The following MCM2 variants were observed in gnomAD, a reference collection of about 807,000 sequenced individuals.
MCM2 encodes minichromosome maintenance complex component 2, also known as DNA replication licensing factor MCM2.
A neutral mutation model predicts 86.4 loss-of-function variants in MCM2; 49 were observed. That is an observed-to-expected ratio of 0.57 (90% CI 0.45 to 0.72). MCM2 has a LOEUF of 0.72. MCM2 is among the 30% of genes least tolerant of loss of function. The pLI is 0.00. For synonymous variants in MCM2, 475 were observed against 484.6 expected, an observed-to-expected ratio of 0.98 and a Z score of 0.26; for missense variants, 1,038 against 1,259.9, an observed-to-expected ratio of 0.82 and a Z score of 2.67.
chr3:127,620,576 C>A, intron 13 of MCM2, 122 bp from the exon 14 acceptor site: 1 of 999,926 alleles, frequency 1.0e-6, no homozygotes, highest in Non-Finnish European at 1.5e-6. Flanking sequence ...AAGCATTCTG[C>A]ATTTCTGCTG....
rs17538586 is a variant in MCM2 at position 127,611,921 on chromosome 3, G to A, written c.1428+2898G>A. 1.3e-4 allele frequency among the ~76,000 whole-genome samples: 19 copies of A among 144,356 alleles called. 1 individual carries two copies. Among genetic ancestry groups the A allele is most frequent in the Middle Eastern group, 6.5e-3 (2 of 310 alleles). 94.7% of individuals were successfully genotyped at this position (144,356 alleles called of 152,430 possible). ...TCACCGTTTTAGCCGGGATGGTCTC[G>A]ATCTCCTGACCTCGTGATCCGCCCG... On this transcript the variant is annotated intron_variant, in intron 8 of 15. Transcript: ENST00000265056.
Position 127,608,466 on chromosome 3 carries a change from G to T in MCM2, c.1186G>T (p.Ala396Ser). The change falls in exon 7 of 16, where the codon GCC becomes TCC. Residue 396 changes from alanine to serine, a missense_variant. Around this residue, in one of 4 missense-constraint regions of MCM2, gnomAD observed 399 missense variants for 507.2 expected, o/e 0.79. Coordinates refer to ENST00000265056, the MANE Select transcript of MCM2 (RefSeq NM_004526.4). Reference sequence around the variant, plus strand: ...TGGCCGGCTGCCCCGCTCCAAGGACGCCATTCTCCTCGCAGATCTGGTGGA... The same window carrying T: ...TGGCCGGCTGCCCCGCTCCAAGGACTCCATTCTCCTCGCAGATCTGGTGGA... Reference protein sequence around the residue: ...AAGRLPRSKDAILLADLVDSC... With the variant: ...AAGRLPRSKDSILLADLVDSC... 6.2e-7 allele frequency: 1 copy of T among 1,614,210 alleles called. No homozygotes were observed.
chr3:127,605,527 G>T (rs1204483103), intron 4 of MCM2, among the ~76,000 whole-genome samples: 1 of 136,926 alleles, frequency 7.3e-6, no homozygotes, highest in African/African-American at 2.8e-5. Flanking sequence ...TGCAACCTCC[G>T]CCTCCTGGGT....
Position 127,605,123 on chromosome 3 carries a change from G to A in MCM2, c.640G>A (p.Val214Ile), listed in dbSNP as rs747213100. 5.6e-6 allele frequency: 9 copies of A among 1,614,024 alleles called. No homozygotes were observed. The highest frequency in any genetic ancestry group is 7.6e-6 in the Non-Finnish European group (9 of 1,180,038). The change falls in exon 4 of 16, where the codon GTC becomes ATC. Residue 214 changes from valine (V) to isoleucine (I), a missense_variant. Val to Ile is a conservative substitution (Grantham distance 29). Transcript: ENST00000265056. ...TCACGTCGACAGCCACGGCCACAAC[G>A]TCTTCAAGGAGCGCATCAGCGACAT... Reference protein sequence around the residue: ...RTHVDSHGHNVFKERISDMCK... With the variant: ...RTHVDSHGHNIFKERISDMCK...
chr3:127,599,302 G>T lies in MCM2; in HGVS notation c.7-16G>T, dbSNP rs370432500. ...CCAGCTTCCTAGGTTTCTGACAACC[G>T]CACCTTCTCTTGCAGGAATCATCGG... On this transcript the variant is annotated splice_polypyrimidine_tract_variant and intron_variant, in intron 1 of 15. Transcript: ENST00000265056. The T allele has an allele frequency of 1.6e-5, 25 of 1,611,486 alleles. No homozygotes were observed. The highest frequency in any genetic ancestry group is 2.1e-5 in the Non-Finnish European group (25 of 1,177,758).
At chr3:127,602,584 C>T (rs1559860757) in intron 2 of MCM2, among the ~76,000 whole-genome samples, 1 of 152,222 alleles carries the variant, frequency 6.6e-6, no homozygotes, top group East Asian at 1.9e-4. Flanking sequence ...GATGGAATGA[C>T]AGTGTCTCCT....
Position 127,605,096 on chromosome 3 carries a change from A to G in MCM2, c.613A>G (p.Thr205Ala), listed in dbSNP as rs1212021897. The G allele has an allele frequency of 2.5e-6, 4 of 1,613,868 alleles. No homozygotes were observed. Among genetic ancestry groups the G allele is most frequent in the South Asian group, 1.1e-5 (1 of 91,082 alleles). The part of the protein sequence containing the change: ...IHHRFKNFLR[T>A]HVDSHGHNVF... ...CCACCGCTTCAAGAACTTCCTGCGC[A>G]CTCACGTCGACAGCCACGGCCACAA... Residue 205 changes from threonine to alanine, a missense_variant, in exon 4 of 16, where the codon ACT becomes GCT. Thr to Ala is a moderately conservative substitution (Grantham distance 58). Transcript: ENST00000265056.
chr3:127,605,841 C>T (rs1265724315), intron 4 of MCM2, among the ~76,000 whole-genome samples: 3 of 152,262 alleles, frequency 2.0e-5, no homozygotes, highest in East Asian at 3.9e-4. Flanking sequence ...TCTTGTAAGG[C>T]GTTTCATGTT....
chr3:127,599,507 G>C lies in MCM2; in HGVS notation c.196G>C (p.Glu66Gln), dbSNP rs751974456. ...AGGCACAGAGGGGCCCCTGGAGGAA[G>C]AAGAGGATGGAGAGGAGCTCATTGG... ...LLGTEGPLEE[E>Q]EDGEELIGDG... Residue 66 changes from glutamate to glutamine, a missense_variant, in exon 2 of 16, where the codon GAA (glutamate) becomes CAA (glutamine). Coordinates refer to ENST00000265056, the MANE Select transcript of MCM2 (RefSeq NM_004526.4). The C allele has an allele frequency of 1.2e-6, 2 of 1,614,032 alleles. No individual in the cohort carries two copies. The highest frequency in any genetic ancestry group is 2.2e-5 in the South Asian group (2 of 91,092).
intron 8 of MCM2, 121 bp from the exon 9 acceptor site, chr3:127,615,741 C>A: frequency 1.4e-6 from 1 of 713,514 alleles, no homozygotes; most frequent in Admixed American, 2.0e-5. Context: ...GCAGTTGCAG[C>A]AGCTGTGGAA....
chr3:127,615,981 G>A (rs1259434957), intron 9 of MCM2, 26 bp downstream of exon 9: 1 of 1,565,610 alleles, frequency 6.4e-7, no homozygotes. Flanking sequence ...TCCTCTGCAG[G>A]GGTGTTAGCA....
Position 127,617,163 on chromosome 3 carries a change from T to C in MCM2, c.1773+45T>C. The C allele has an allele frequency of 6.2e-7, 1 of 1,607,136 alleles. No homozygotes were observed. Among genetic ancestry groups the C allele is most frequent in the African/African-American group, 1.3e-5 (1 of 74,884 alleles). On this transcript the variant is annotated intron_variant, in intron 10 of 15. Transcript: ENST00000265056. The surrounding 1 kb of genome is among the most constrained non-coding windows in gnomAD (Gnocchi z 4.1). ...AGGCTGGTGGAACTCAGGGGGTGTG[T>C]GTGGGCTTGGGCCTTAGCGACGGGA...
At chr3:127,621,035 G>A (rs2107697401) in intron 14 of MCM2, 38 bp from the exon 15 acceptor site, 1 of 1,608,900 alleles carries the variant, frequency 6.2e-7, no homozygotes, top group Non-Finnish European at 8.5e-7. Flanking sequence ...GGCAGGCGTA[G>A]TGGGAGCGGG....
At chr3:127,608,248 C>G in intron 6 of MCM2, 134 bp from the exon 7 acceptor site, 1 of 1,104,004 alleles carries the variant, frequency 9.1e-7, no homozygotes, top group African/African-American at 1.5e-5. Context: ...GCCATGAACT[C>G]ATTCCTTGCT....
chr3:127,609,065 G>A (rs1167314969), intron 8 of MCM2, 42 bp downstream of exon 8: 1 of 1,597,014 alleles, frequency 6.3e-7, no homozygotes, highest in Admixed American at 1.7e-5. Flanking sequence ...GATGCTGTGA[G>A]AGGATATGGA....
chr3:127,621,016 A>G (rs2074474059), intron 14 of MCM2, 57 bp from the exon 15 acceptor site: 8 of 1,602,964 alleles, frequency 5.0e-6, no homozygotes, highest in Non-Finnish European at 6.8e-6. Context: ...CGTAGGGTAA[A>G]GGGAGTGTGG....
In MCM2 at chr3:127,617,683, G is replaced by T. The variant is rs1427373117; in HGVS notation, c.1900+278G>T. ...TGCCCCTCTGGCCAGGATGGAGTTGGCTGTTGGTCTCAGCAGCGAATGCGT... is the reference window on the plus strand; with the variant it reads ...TGCCCCTCTGGCCAGGATGGAGTTGTCTGTTGGTCTCAGCAGCGAATGCGT... On this transcript the variant is annotated intron_variant, in intron 11 of 15. Coordinates refer to ENST00000265056, the MANE Select transcript of MCM2 (RefSeq NM_004526.4). The surrounding 1 kb of genome is among the most constrained non-coding windows in gnomAD (Gnocchi z 4.1). 4 of 591,370 alleles carry T rather than the reference G, an allele frequency of 6.8e-6. No individual in the cohort carries two copies. Among genetic ancestry groups the T allele is most frequent in the Non-Finnish European group, 1.2e-5 (4 of 333,966 alleles). The allele number at this position is 591,370 out of a possible 1,614,324, so 36.6% of individuals were successfully genotyped here.
chr3:127,609,083 T>A (rs1182014951), intron 8 of MCM2, 60 bp downstream of exon 8: 2 of 1,571,208 alleles, frequency 1.3e-6, no homozygotes, highest in Non-Finnish European at 1.7e-6. Flanking sequence ...GGAGGGTTGC[T>A]GGGGCTGTGG....
Position 127,618,944 on chromosome 3 carries a change from A to T in MCM2, c.2014-83A>T. The T allele has an allele frequency of 7.1e-7, 1 of 1,401,112 alleles. No homozygotes were observed. Among genetic ancestry groups the T allele is most frequent in the Non-Finnish European group, 9.5e-7 (1 of 1,050,762 alleles). 86.8% of individuals were successfully genotyped at this position (1,401,112 alleles called of 1,614,324 possible). On this transcript the variant is annotated intron_variant, in intron 12 of 15. Coordinates refer to ENST00000265056, the MANE Select transcript of MCM2 (RefSeq NM_004526.4). This position sits in a 1 kb window ranked among gnomAD's most constrained non-coding sequence, Gnocchi z 4.0. ...TGAAAGAGTGTCACCCTTGTAGGGC[A>T]CACTCAGCCCTTCTCCAGCCACTGA...
Sources: gnomAD v4.1 joint callset for allele counts (sites outside exome capture counted in the v4.1 genomes callset) on GRCh38, gnomAD v4.1.1 for gene constraint, gnomAD v4.1.1 regional missense constraint, Gnocchi (gnomAD v3.1) non-coding constraint, MANE v1.5 for transcripts, NCBI Gene and HGNC (gene_info 2026-07-23, HGNC 2026-07-21) for gene names.